The following SPTLC3 variants were observed in gnomAD, a reference collection of about 807,000 sequenced individuals.
SPTLC3 encodes the protein serine palmitoyltransferase 3.
SPTLC3 carries 36 observed loss-of-function variants against 59.3 expected under a neutral mutation model. That is an observed-to-expected ratio of 0.61 (90% CI 0.47 to 0.80). SPTLC3 has a LOEUF of 0.80. Among genes scored for constraint, SPTLC3 ranks in the 30% least tolerant of loss-of-function variants. The pLI is 0.00. For missense variants in SPTLC3, 625 were observed against 685.1 expected (o/e 0.91, Z 0.98); for synonymous variants, 257 against 240.8 (o/e 1.07, Z -0.62).
chr20:13,045,350 G>A (rs1987185974), intron 1 of SPTLC3, among the ~76,000 whole-genome samples: 1 of 152,146 alleles, frequency 6.6e-6, no homozygotes, highest in Non-Finnish European at 1.5e-5. Context: ...AAATAACAAT[G>A]CTTATCTGCA....
chr20:13,022,098 A>G (rs1464928989), intron 1 of SPTLC3, among the ~76,000 whole-genome samples: 1 of 152,104 alleles, frequency 6.6e-6, no homozygotes, highest in Non-Finnish European at 1.5e-5. Flanking sequence ...CTCTAAAACT[A>G]TTTCCCTTAC....
At chr20:13,142,601 G>A (rs1160163564) in intron 9 of SPTLC3, among the ~76,000 whole-genome samples, 2 of 152,198 alleles carry the variant, frequency 1.3e-5, no homozygotes, top group Non-Finnish European at 2.9e-5. Flanking sequence ...CACAAACTTA[G>A]TGACCATTGA....
intron 4 of SPTLC3, among the ~76,000 whole-genome samples, chr20:13,087,659 G>A (rs1989046973): frequency 1.3e-5 from 2 of 152,122 alleles, no homozygotes; most frequent in Non-Finnish European, 2.9e-5. Context: ...AAACATCTAT[G>A]ACACCATCAT....
chr20:13,139,067 T>G (rs2038319698), intron 9 of SPTLC3, among the ~76,000 whole-genome samples: 1 of 152,212 alleles, frequency 6.6e-6, no homozygotes, highest in Admixed American at 6.5e-5. Context: ...AGCGTGATTC[T>G]TAAGCATCCA....
At chr20:13,148,147 T>C (rs1417179225) in intron 9 of SPTLC3, among the ~76,000 whole-genome samples, 3 of 152,206 alleles carry the variant, frequency 2.0e-5, no homozygotes, top group African/African-American at 7.2e-5. Flanking sequence ...GACTGAGTTG[T>C]CCTAAACATA....
Position 13,117,661 on chromosome 20 carries a change from A to G in SPTLC3, c.1088A>G (p.Asp363Gly), listed in dbSNP as rs762810272. 43 of 1,614,028 alleles carry G rather than the reference A, an allele frequency of 2.7e-5. No individual in the cohort carries two copies. The highest frequency in any genetic ancestry group is 3.6e-5 in the Non-Finnish European group (42 of 1,179,944). Residue 363 changes from aspartate (D) to glycine (G), a missense_variant, in exon 8 of 12, where the codon GAT becomes GGT. Physicochemically the swap from Asp to Gly is moderately conservative, Grantham distance 94 (BLOSUM62 -1). Coordinates refer to ENST00000399002, the MANE Select transcript of SPTLC3 (RefSeq NM_018327.4). ...TTTGGACTAGACCCTCATGAAGTTGATGTGCTCATGGGCACATTCACCAAA... is the reference window on the plus strand; with the variant it reads ...TTTGGACTAGACCCTCATGAAGTTGGTGTGCTCATGGGCACATTCACCAAA... ...EFFGLDPHEV[D>G]VLMGTFTKSF...
chr20:13,071,921 A>G (rs1232422755), intron 2 of SPTLC3, among the ~76,000 whole-genome samples: 1 of 152,224 alleles, frequency 6.6e-6, no homozygotes, highest in African/African-American at 2.4e-5. Context: ...TCACATGATC[A>G]TCTCAACCAT....
chr20:13,019,949 T>C (rs1032189989), intron 1 of SPTLC3, among the ~76,000 whole-genome samples: 2 of 152,230 alleles, frequency 1.3e-5, no homozygotes, highest in African/African-American at 4.8e-5. Flanking sequence ...AAAATTAATA[T>C]GTCCATAACT....
chr20:13,141,977 T>C (rs1052204287), intron 9 of SPTLC3, among the ~76,000 whole-genome samples: 2 of 152,212 alleles, frequency 1.3e-5, no homozygotes, highest in African/African-American at 4.8e-5. Context: ...ACAACTTGGG[T>C]TTGTCCAATA....
intron 4 of SPTLC3, among the ~76,000 whole-genome samples, chr20:13,082,245 T>C (rs566581677): frequency 6.6e-6 from 1 of 152,294 alleles, no homozygotes; most frequent in South Asian, 2.1e-4. Flanking sequence ...ATGAGACACA[T>C]GAAGCCCCAG....
intron 3 of SPTLC3, chr20:13,073,912 C>A: frequency 1.8e-6 from 1 of 561,688 alleles, no homozygotes; most frequent in South Asian, 1.5e-5. Context: ...CCCAGAGATG[C>A]ATTCTTCATC....
At chr20:13,105,183 A>G (rs1481548153) in intron 6 of SPTLC3, among the ~76,000 whole-genome samples, 1 of 152,178 alleles carries the variant, frequency 6.6e-6, no homozygotes, top group African/African-American at 2.4e-5. Context: ...AGGTGGGGCC[A>G]GAATCCAGGC....
intron 9 of SPTLC3, among the ~76,000 whole-genome samples, chr20:13,151,328 C>T (rs1277700268): frequency 2.6e-5 from 4 of 152,174 alleles, no homozygotes; most frequent in African/African-American, 7.2e-5. Context: ...TTTTTCAAAG[C>T]TCCTATGATA....
chr20:13,071,942 C>T (rs1375683995), intron 2 of SPTLC3, among the ~76,000 whole-genome samples: 1 of 152,126 alleles, frequency 6.6e-6, no homozygotes, highest in African/African-American at 2.4e-5. Flanking sequence ...TTTTTTCCAA[C>T]GAAACTGCTT....
At chr20:13,134,378 T>C (rs999164200) in intron 9 of SPTLC3, among the ~76,000 whole-genome samples, 1 of 152,224 alleles carries the variant, frequency 6.6e-6, no homozygotes, top group Non-Finnish European at 1.5e-5. Flanking sequence ...TGTCTAATTT[T>C]ACTCATTATG....
intron 9 of SPTLC3, among the ~76,000 whole-genome samples, chr20:13,127,894 A>C (rs2122802816): frequency 6.6e-6 from 1 of 152,220 alleles, no homozygotes; most frequent in Admixed American, 6.5e-5. Context: ...TGAAAAGAAA[A>C]CGACAGTCCA....
chr20:13,080,235 T>A (rs1445727149), intron 4 of SPTLC3, among the ~76,000 whole-genome samples: 3 of 151,800 alleles, frequency 2.0e-5, no homozygotes, highest in Admixed American at 6.6e-5. Context: ...CTTGGCCAGG[T>A]GCGGTGACTC....
intron 1 of SPTLC3, among the ~76,000 whole-genome samples, chr20:13,016,274 T>G (rs1279911970): frequency 6.6e-6 from 1 of 152,178 alleles, no homozygotes; most frequent in Non-Finnish European, 1.5e-5. Flanking sequence ...TCAGTTTGTG[T>G]GCATTAAGTG....
intron 2 of SPTLC3, among the ~76,000 whole-genome samples, chr20:13,065,611 C>A (rs1295081564): frequency 6.6e-6 from 1 of 151,878 alleles, no homozygotes; most frequent in African/African-American, 2.4e-5. Flanking sequence ...TATGGTTAAA[C>A]GTATTATAAT....
Sources: gnomAD v4.1 joint callset for allele counts (sites outside exome capture counted in the v4.1 genomes callset) on GRCh38, gnomAD v4.1.1 for gene constraint, MANE v1.5 for transcripts, NCBI Gene and HGNC (gene_info 2026-07-23, HGNC 2026-07-21) for gene names.